OSBPL10: variants seen among roughly 807,000 people sequenced by gnomAD.
The protein encoded by OSBPL10 is oxysterol binding protein like 10, also known as oxysterol-binding protein-related protein 10.
In OSBPL10, 49 loss-of-function variants were observed where a neutral mutation model predicts 81.7. That is an observed-to-expected ratio of 0.60 (90% confidence interval 0.48 to 0.76). The LOEUF is 0.76. OSBPL10 is among the 30% of genes least tolerant of loss of function. The pLI is 0.00. For synonymous variants in OSBPL10, 419 were observed against 383.6 expected (o/e 1.09, Z -1.08); for missense variants, 923 against 987.8 (o/e 0.93, Z 0.88).
intron 1 of OSBPL10, among the ~76,000 whole-genome samples, chr3:31,935,043 T>G (rs1697348014): frequency 6.6e-6 from 1 of 152,144 alleles, no homozygotes; most frequent in Non-Finnish European, 1.5e-5. Flanking sequence ...GATTGCTACA[T>G]CCCCTTCATA....
chr3:31,751,375 C>CAAATAAAATAAAATA (rs146565470), intron 4 of OSBPL10, among the ~76,000 whole-genome samples: 1 of 150,742 alleles, frequency 6.6e-6, no homozygotes, highest in African/African-American at 2.4e-5. Flanking sequence ...AACAAACAAA[C>CAAATAAAATAAAATA]AAATAAAATA....
intron 8 of OSBPL10, among the ~76,000 whole-genome samples, chr3:31,676,944 G>A (rs1039440766): frequency 2.6e-5 from 4 of 152,130 alleles, no homozygotes; most frequent in Middle Eastern, 3.2e-3. Context: ...CAGTCTCTGG[G>A]GTCAACGTGA....
intron 3 of OSBPL10, among the ~76,000 whole-genome samples, chr3:31,848,167 G>C (rs1381641070): frequency 4.6e-5 from 7 of 152,014 alleles, no homozygotes; most frequent in African/African-American, 1.7e-4. Flanking sequence ...TGTTCCTTTG[G>C]TTCTGGGCAT....
intron 1 of OSBPL10, among the ~76,000 whole-genome samples, chr3:32,052,248 A>C (rs75133596): frequency 4.6e-5 from 6 of 130,318 alleles, no homozygotes; most frequent in South Asian, 2.4e-4. Context: ...TCCTGTCACA[A>C]AAAAAAAAAA....
chr3:31,902,664 G>A (rs918983785), intron 1 of OSBPL10, among the ~76,000 whole-genome samples: 9 of 152,108 alleles, frequency 5.9e-5, no homozygotes, highest in Admixed American at 6.5e-5. Flanking sequence ...CCAGGTTCAC[G>A]CCATTCTCCT....
At chr3:32,071,113 C>T (rs1023001344) in intron 1 of OSBPL10, among the ~76,000 whole-genome samples, 1 of 152,214 alleles carries the variant, frequency 6.6e-6, no homozygotes, top group African/African-American at 2.4e-5. Flanking sequence ...AACATTTATT[C>T]TCCAAGGGAT....
chr3:31,754,872 T>A (rs144459193), intron 4 of OSBPL10, among the ~76,000 whole-genome samples: 9 of 152,224 alleles, frequency 5.9e-5, no homozygotes, highest in Admixed American at 5.2e-4. Flanking sequence ...ATATGACTGA[T>A]GATTTTCAAC....
In OSBPL10 at chr3:31,727,994, G is replaced by A. The variant is rs144353244; in HGVS notation, c.1095+5263C>T. Among the ~76,000 whole-genome samples, 709 of 152,214 alleles carry A rather than the reference G, an allele frequency of 4.7e-3. 3 individuals are homozygous for A. The highest frequency in any genetic ancestry group is 3.8e-3 in the Non-Finnish European group (260 of 68,014). ...AATCAAAAGCATGAAAATTCTTGAC[G>A]CAGAACTCAGCTAAATCTTTTATAT... On this transcript the variant is annotated intron_variant, in intron 6 of 11. Coordinates refer to ENST00000396556, the MANE Select transcript of OSBPL10 (RefSeq NM_017784.5).
At chr3:32,066,827 T>C (rs1048663964) in intron 1 of OSBPL10, among the ~76,000 whole-genome samples, 1 of 152,168 alleles carries the variant, frequency 6.6e-6, no homozygotes, top group African/African-American at 2.4e-5. Flanking sequence ...TGGGAGGTCA[T>C]TGATTTGGAC....
At position 31,684,002 on chromosome 3, in the gene OSBPL10, T is replaced by TC; in HGVS notation, c.1357dup (p.Glu453GlyfsTer8). The TC allele has an allele frequency of 1.2e-6, 2 of 1,614,138 alleles. No individual in the cohort carries two copies. The highest frequency in any genetic ancestry group is 8.5e-7 in the Non-Finnish European group (1 of 1,180,026). ...ATACTCAACGAAGCAAATGACTCTC[T>TC]CCTCTGGTGTGGCCCCAGCGGTGAT... On this transcript the variant is annotated frameshift_variant, in exon 8 of 12. Coordinates refer to ENST00000396556, the MANE Select transcript of OSBPL10 (RefSeq NM_017784.5). LOFTEE classifies it high-confidence loss of function.
At chr3:31,819,911 G>A (rs1048666726) in intron 4 of OSBPL10, among the ~76,000 whole-genome samples, 1 of 152,184 alleles carries the variant, frequency 6.6e-6, no homozygotes, top group African/African-American at 2.4e-5. Flanking sequence ...CTTCCTTAAG[G>A]AAGAAATTCC....
intron 5 of OSBPL10, among the ~76,000 whole-genome samples, chr3:31,744,537 C>CAAA (rs58546446): frequency 1.1e-4 from 11 of 96,310 alleles, no homozygotes; most frequent in African/African-American, 4.0e-4. Flanking sequence ...GACTCCGTCT[C>CAAA]AAAAAAAAAA....
intron 4 of OSBPL10, among the ~76,000 whole-genome samples, chr3:31,803,042 G>A (rs1699428594): frequency 6.9e-6 from 1 of 145,746 alleles, no homozygotes; most frequent in African/African-American, 2.5e-5. Flanking sequence ...TCTACAAAGT[G>A]GCTTTTCTAA....
At chr3:31,768,031 G>A (rs144300939) in intron 4 of OSBPL10, among the ~76,000 whole-genome samples, 293 of 152,232 alleles carry the variant, frequency 1.9e-3, no homozygotes, top group African/African-American at 6.5e-3. Flanking sequence ...TTTCTTGATC[G>A]TGCGCTAAAA....
At chr3:32,067,039 G>A (rs931450935) in intron 1 of OSBPL10, among the ~76,000 whole-genome samples, 5 of 152,106 alleles carry the variant, frequency 3.3e-5, no homozygotes, top group Admixed American at 1.3e-4. Flanking sequence ...GAAGTGACCT[G>A]ATGTTAACCA....
chr3:32,039,464 C>T (rs942007494), intron 2 of OSBPL10, among the ~76,000 whole-genome samples: 6 of 151,868 alleles, frequency 4.0e-5, no homozygotes, highest in Non-Finnish European at 8.8e-5. Flanking sequence ...TCGAGACCAG[C>T]CTGGCCAGCA....
chr3:32,034,455 A>AT (rs1553650438), intron 2 of OSBPL10, among the ~76,000 whole-genome samples: 2 of 151,268 alleles, frequency 1.3e-5, no homozygotes, highest in African/African-American at 4.9e-5. Context: ...AAAAAAAAAA[A>AT]AAAGATTTTC....
intron 2 of OSBPL10, among the ~76,000 whole-genome samples, chr3:32,004,529 C>T (rs546861341): frequency 2.5e-4 from 38 of 152,330 alleles, no homozygotes; most frequent in African/African-American, 9.1e-4. Flanking sequence ...TTTGAGCCTT[C>T]AAGATATCGG....
At chr3:31,856,942 G>T (rs972503549) in intron 3 of OSBPL10, among the ~76,000 whole-genome samples, 1 of 152,146 alleles carries the variant, frequency 6.6e-6, no homozygotes, top group Non-Finnish European at 1.5e-5. Flanking sequence ...TGGGCATGGT[G>T]GCGGGCACCT....
Sources: allele counts gnomAD v4.1 joint callset (sites outside exome capture counted in the v4.1 genomes callset), GRCh38; gene constraint gnomAD v4.1.1; transcripts MANE v1.5; gene names NCBI Gene and HGNC (gene_info 2026-07-23, HGNC 2026-07-21).